IFI16: variants seen among roughly 807,000 people sequenced by gnomAD.
The protein encoded by IFI16 is interferon gamma inducible protein 16, also known as gamma-interferon-inducible protein 16.
IFI16 carries 49 observed loss-of-function variants against 68.4 expected under a neutral mutation model. The ratio of observed to expected loss-of-function variants is 0.72; its 90% confidence interval spans 0.57 to 0.91. The LOEUF (loss-of-function observed/expected upper bound fraction) is 0.91. IFI16 is among the 40% of genes least tolerant of loss of function. The probability of loss-of-function intolerance (pLI) is 0.00; values close to 1 mark genes in which losing one functional copy is unlikely to be tolerated. For missense variants in IFI16, 878 were observed against 942.9 expected, an observed-to-expected ratio of 0.93 and a Z score of 0.90; for synonymous variants, 307 against 315.0, an observed-to-expected ratio of 0.97 and a Z score of 0.27.
At position 159,032,705 on chromosome 1, in the gene IFI16, G is replaced by T. The variant is rs770451295; in HGVS notation, c.1329+14G>T. On this transcript the variant is annotated intron_variant, in intron 7 of 11. Transcript: ENST00000295809. ...TTCTTCACCAAGGTACAATTTCCTGGGTCCCATGCCTCATGTCTCCCCACC... is the reference window on the plus strand; with the variant it reads ...TTCTTCACCAAGGTACAATTTCCTGTGTCCCATGCCTCATGTCTCCCCACC... 1.3e-6 allele frequency: 2 copies of T among 1,572,326 alleles called. No homozygotes were observed. Among genetic ancestry groups the T allele is most frequent in the South Asian group, 2.4e-5 (2 of 84,434 alleles).
chr1:159,021,157 C>A (rs1446172248), intron 6 of IFI16, among the ~76,000 whole-genome samples: 1 of 152,080 alleles, frequency 6.6e-6, no homozygotes, highest in Non-Finnish European at 1.5e-5. Flanking sequence ...GGAATAAGTT[C>A]TTTAGTGGTG....
intron 1 of IFI16, among the ~76,000 whole-genome samples, chr1:159,012,725 C>T (rs935737553): frequency 1.1e-4 from 16 of 151,962 alleles, no homozygotes; most frequent in South Asian, 4.1e-4. Context: ...GGTAATTAGG[C>T]GGGAAGGAAG....
At chr1:159,051,238 G>A (rs1438996774) in intron 9 of IFI16, among the ~76,000 whole-genome samples, 4 of 151,994 alleles carry the variant, frequency 2.6e-5, no homozygotes, top group Admixed American at 2.6e-4. Context: ...ACCAGAACAT[G>A]GAGGCAGGAC....
At chr1:159,023,044 G>A (rs1236413103) in intron 6 of IFI16, among the ~76,000 whole-genome samples, 1 of 152,112 alleles carries the variant, frequency 6.6e-6, no homozygotes, top group African/African-American at 2.4e-5. Flanking sequence ...TTCAAAGGCA[G>A]GGAATAATAT....
intron 7 of IFI16, among the ~76,000 whole-genome samples, chr1:159,039,569 C>A (rs762329215): frequency 6.6e-5 from 10 of 152,098 alleles, no homozygotes; most frequent in Non-Finnish European, 1.0e-4. Flanking sequence ...GTCTTGAACT[C>A]CTCACCTCAG....
intron 6 of IFI16, among the ~76,000 whole-genome samples, chr1:159,022,490 A>G (rs548550522): frequency 3.9e-5 from 6 of 152,260 alleles, no homozygotes; most frequent in African/African-American, 1.4e-4. Flanking sequence ...TTCGGTTTCC[A>G]TTGGCTGGGA....
upstream of IFI16, among the ~76,000 whole-genome samples, chr1:159,004,043 C>T (rs1022310554): frequency 3.9e-5 from 6 of 152,326 alleles, no homozygotes; most frequent in Admixed American, 1.3e-4. Context: ...TTTGTGTGAA[C>T]AGCAGTTTCT....
intron 4 of IFI16, among the ~76,000 whole-genome samples, chr1:159,017,259 C>G (rs1409774948): frequency 1.3e-5 from 2 of 152,194 alleles, no homozygotes; most frequent in Admixed American, 1.3e-4. Flanking sequence ...GGGAATGACA[C>G]TCTGTAGAGT....
At position 159,053,539 on chromosome 1, in the gene IFI16, G is replaced by T. The variant is rs1655486338; in HGVS notation, c.2092G>T (p.Val698Leu). The T allele has an allele frequency of 2.5e-6, 4 of 1,594,254 alleles. No homozygotes were observed. The highest frequency in any genetic ancestry group is 2.6e-6 in the Non-Finnish European group (3 of 1,165,576). ...TGTTAATTTTCTTTTGCAGAAAAAT[G>T]TAAGGGGTGAATTCACTTATTATGA... ...NGVFEVHKKN[V>L]RGEFTYYEIQ... The change falls in exon 11 of 12, where the codon GTA (valine) becomes TTA (leucine). Residue 698 changes from valine to leucine, a missense_variant. This residue lies in a region of IFI16 where 311 missense variants were observed against 305.1 expected (regional missense o/e 1.02). Coordinates refer to ENST00000295809, the MANE Select transcript of IFI16 (RefSeq NM_001376587.1).
intron 8 of IFI16, among the ~76,000 whole-genome samples, chr1:159,048,910 A>G (rs1655166193): frequency 6.6e-6 from 1 of 151,506 alleles, no homozygotes; most frequent in Non-Finnish European, 1.5e-5. Flanking sequence ...TCCACACTGT[A>G]GTGATCATAG....
At chr1:159,014,205 C>T (rs1042641306) in intron 1 of IFI16, among the ~76,000 whole-genome samples, 10 of 152,262 alleles carry the variant, frequency 6.6e-5, no homozygotes, top group African/African-American at 2.2e-4. Flanking sequence ...GAAACTGTAG[C>T]GCTGTAGCAG....
intron 11 of IFI16, 42 bp downstream of exon 11, chr1:159,053,766 C>A: frequency 6.7e-7 from 1 of 1,483,666 alleles, no homozygotes; most frequent in Non-Finnish European, 9.4e-7. Flanking sequence ...AGTGGCGAAT[C>A]ATTTTGTTTA....
intron 1 of IFI16, 119 bp from the exon 2 acceptor site, chr1:159,014,539 CCTT>C (rs749872444): frequency 8.7e-5 from 51 of 583,958 alleles, no homozygotes; most frequent in Middle Eastern, 3.2e-4. Flanking sequence ...GTCGTTGAGT[CCTT>C]CTTTATCACA....
At position 159,018,450 on chromosome 1, in the gene IFI16, AATC is replaced by A. The variant is rs751618930; in HGVS notation, c.780_782del (p.Ile261del). On this transcript the variant is annotated inframe_deletion, in exon 5 of 12. Coordinates refer to ENST00000295809, the MANE Select transcript of IFI16 (RefSeq NM_001376587.1). ...TGAAGGAGAAATTCAATGGAAAGAA[AATC>A]ATCATCATATCAGATTATTTGGAAT... is the stretch of plus-strand genomic sequence containing the variant. 2 of 1,613,720 alleles carry A rather than the reference AATC, an allele frequency of 1.2e-6. No homozygotes were observed. Among genetic ancestry groups the A allele is most frequent in the Admixed American group, 1.7e-5 (1 of 60,030 alleles).
At chr1:159,021,770 T>A (rs1420529805) in intron 6 of IFI16, among the ~76,000 whole-genome samples, 1 of 152,170 alleles carries the variant, frequency 6.6e-6, no homozygotes, top group East Asian at 1.9e-4. Flanking sequence ...GTCTGTTTTT[T>A]AAAATTTTTT....
At chr1:159,019,215 AC>A (rs1325396607) in intron 5 of IFI16, among the ~76,000 whole-genome samples, 1 of 151,770 alleles carries the variant, frequency 6.6e-6, no homozygotes, top group African/African-American at 2.4e-5. Context: ...TTTGGATGAT[AC>A]TTGGAAAATC....
chr1:159,014,663 T>TC lies in IFI16; in HGVS notation c.-17dup. The stretch of plus-strand genomic sequence containing the variant: ...GTATATACCATTTTCTCTTGTAGGC[T>TC]CACTTATGTCTGTAAAGATGGGAAA... On this transcript the variant is annotated 5_prime_UTR_variant, in exon 2 of 12. Transcript: ENST00000295809. 1 of 1,570,582 alleles carries TC rather than the reference T, an allele frequency of 6.4e-7. No homozygotes were observed. Among genetic ancestry groups the TC allele is most frequent in the Non-Finnish European group, 8.6e-7 (1 of 1,157,470 alleles).
intron 1 of IFI16, among the ~76,000 whole-genome samples, chr1:159,012,630 T>G (rs1436391706): frequency 6.6e-6 from 1 of 152,186 alleles, no homozygotes; most frequent in African/African-American, 2.4e-5. Flanking sequence ...AAAGCATATT[T>G]GCTTCTACAG....
intron 7 of IFI16, among the ~76,000 whole-genome samples, chr1:159,044,560 ATAAT>A (rs946169613): frequency 1.3e-5 from 2 of 152,064 alleles, no homozygotes; most frequent in African/African-American, 4.8e-5. Flanking sequence ...AACTGCTAAA[ATAAT>A]GTGCCACATT....
Sources: gnomAD v4.1 joint callset for allele counts (sites outside exome capture counted in the v4.1 genomes callset) on GRCh38, gnomAD v4.1.1 for gene constraint, gnomAD v4.1.1 regional missense constraint, MANE v1.5 for transcripts, NCBI Gene and HGNC (gene_info 2026-07-23, HGNC 2026-07-21) for gene names.